ADGRV1: variants seen among roughly 807,000 people sequenced by gnomAD.
ADGRV1 encodes G-protein coupled receptor 98.
A neutral mutation model predicts 596.2 loss-of-function variants in ADGRV1; 359 were observed. The observed-to-expected ratio is 0.60, with a 90% CI of 0.55 to 0.66. The LOEUF (loss-of-function observed/expected upper bound fraction) is 0.66, where lower values mean the gene tolerates loss of function less well. Among genes scored for constraint, ADGRV1 ranks in the 30% least tolerant of loss-of-function variants. ADGRV1 has a pLI of 0.00. For missense variants in ADGRV1, 7,274 were observed against 7,575.6 expected (o/e 0.96, Z 1.48); for synonymous variants, 2,681 against 2,679.2 (o/e 1.00, Z -0.02).
chr5:91,136,523 A>G (rs1327185713), intron 87 of ADGRV1, among the ~76,000 whole-genome samples: 1 of 152,236 alleles, frequency 6.6e-6, no homozygotes, highest in Non-Finnish European at 1.5e-5. Flanking sequence ...TGTACAAAGA[A>G]ATCAATCAAC....
intron 21 of ADGRV1, among the ~76,000 whole-genome samples, chr5:90,660,031 A>AG (rs1170265119): frequency 6.6e-6 from 1 of 151,320 alleles, no homozygotes; most frequent in Admixed American, 6.6e-5. Context: ...TCTGTCTCAG[A>AG]GAAAAAAAAA....
chr5:90,805,070 TAAA>T, intron 71 of ADGRV1: 1 of 364,496 alleles, frequency 2.7e-6, no homozygotes, highest in East Asian at 4.1e-5. Context: ...ACGTTTTGAT[TAAA>T]AAAAGAAAAA....
At chr5:90,975,160 C>T (rs1481668935) in intron 84 of ADGRV1, among the ~76,000 whole-genome samples, 1 of 151,704 alleles carries the variant, frequency 6.6e-6, no homozygotes, top group Non-Finnish European at 1.5e-5. Context: ...GATACCATCT[C>T]ACACCAGTTA....
At chr5:91,059,444 C>T (rs1242306672) in intron 85 of ADGRV1, among the ~76,000 whole-genome samples, 1 of 152,156 alleles carries the variant, frequency 6.6e-6, no homozygotes, top group East Asian at 1.9e-4. Flanking sequence ...GTCCTTCCCC[C>T]TACATTATAC....
chr5:90,605,995 A>G (rs1762070403), intron 1 of ADGRV1, among the ~76,000 whole-genome samples: 1 of 152,214 alleles, frequency 6.6e-6, no homozygotes, highest in Non-Finnish European at 1.5e-5. Flanking sequence ...TTTACATGTG[A>G]CTTCACTAAG....
At chr5:90,627,917 GACACACACACACACACAC>G (rs3041948) in intron 7 of ADGRV1, 141 bp downstream of exon 7, 206 of 230,410 alleles carry the variant, frequency 8.9e-4, no homozygotes, top group African/African-American at 1.4e-3. Context: ...ACTCAGAAAA[GACACACACACACACACAC>G]ACACACACAC....
intron 85 of ADGRV1, among the ~76,000 whole-genome samples, chr5:90,989,132 T>C (rs1780749187): frequency 1.3e-5 from 2 of 152,000 alleles, no homozygotes; most frequent in Non-Finnish European, 2.9e-5. Flanking sequence ...GCAGCATGAT[T>C]TATAATCCTT....
intron 68 of ADGRV1, among the ~76,000 whole-genome samples, chr5:90,789,336 T>C (rs1759821502): frequency 6.6e-6 from 1 of 152,192 alleles, no homozygotes; most frequent in African/African-American, 2.4e-5. Context: ...GCCTGTTTGC[T>C]TCACTCCATG....
intron 84 of ADGRV1, among the ~76,000 whole-genome samples, chr5:90,974,103 C>T (rs1779328045): frequency 6.6e-6 from 1 of 152,070 alleles, no homozygotes; most frequent in Non-Finnish European, 1.5e-5. Context: ...TTCACAATTG[C>T]TTCAAAGAGA....
chr5:90,783,381 C>G lies in ADGRV1; in HGVS notation c.13433+56C>G, dbSNP rs563973973. 4 of 1,162,022 alleles carry G rather than the reference C, an allele frequency of 3.4e-6. No homozygotes were observed. In the African/African-American group the frequency reaches 6.1e-5, roughly 18 times the overall value. The allele number at this position is 1,162,022 out of a possible 1,614,324, so 72.0% of individuals were successfully genotyped here. ...ATAAGACATAAGTATTGTGTTCAAA[C>G]TCTTACATATGTTTTGCACTGACAA... On this transcript the variant is annotated intron_variant, in intron 66 of 89. Transcript: ENST00000405460.
chr5:90,797,721 T>C (rs1231874996), intron 70 of ADGRV1, among the ~76,000 whole-genome samples: 1 of 152,112 alleles, frequency 6.6e-6, no homozygotes, highest in Non-Finnish European at 1.5e-5. Flanking sequence ...GACCACATAA[T>C]TGGAAGTAAA....
chr5:91,048,994 C>T (rs1006537284), intron 85 of ADGRV1, among the ~76,000 whole-genome samples: 2 of 152,084 alleles, frequency 1.3e-5, no homozygotes, highest in African/African-American at 2.4e-5. Flanking sequence ...ACCAATTTAT[C>T]TAAAAACCCA....
chr5:91,136,533 C>T (rs1794652312), intron 87 of ADGRV1, among the ~76,000 whole-genome samples: 1 of 152,202 alleles, frequency 6.6e-6, no homozygotes. Flanking sequence ...AATCAATCAA[C>T]CAGGTTAAGG....
At position 90,720,082 on chromosome 5, in the gene ADGRV1, C is replaced by A; in HGVS notation, c.9482C>A (p.Pro3161Gln). Residue 3161 changes from proline (P) to glutamine (Q), a missense_variant, in exon 44 of 90, where the codon CCA becomes CAA. By Grantham distance (76) the Pro-to-Gln change is moderately conservative (BLOSUM62 -1). This residue lies in a region of ADGRV1 where 3,643 missense variants were observed against 3,809.2 expected (regional missense o/e 0.96). Transcript: ENST00000405460. ...ATATCTGCCATATTAGACACGGAAC[C>A]AGAAATGGATGAGTATTTTGTTTGC... ...LQISAILDTE[P>Q]EMDEYFVCTL... 1 of 1,613,688 alleles carries A rather than the reference C, an allele frequency of 6.2e-7. No homozygotes were observed.
chr5:90,932,702 A>G (rs1775354266), intron 83 of ADGRV1, among the ~76,000 whole-genome samples: 1 of 148,770 alleles, frequency 6.7e-6, no homozygotes, highest in African/African-American at 2.4e-5. Flanking sequence ...TTAAGTCACC[A>G]TAGAATGCAT....
chr5:90,834,014 C>T (rs536999628), intron 77 of ADGRV1, among the ~76,000 whole-genome samples: 23 of 152,174 alleles, frequency 1.5e-4, no homozygotes, highest in Non-Finnish European at 2.2e-4. Context: ...AAAGAGGAAA[C>T]GAATAAAAAT....
chr5:91,028,037 CTTT>C (rs748293256), intron 85 of ADGRV1, among the ~76,000 whole-genome samples: 1 of 102,602 alleles, frequency 9.7e-6, no homozygotes. Context: ...TTTTTTCTTT[CTTT>C]TTTTTTTTTT....
Position 90,791,238 on chromosome 5 carries a change from A to G in ADGRV1, c.14409A>G (p.Ile4803Met). 6.2e-7 allele frequency: 1 copy of G among 1,613,076 alleles called. No homozygotes were observed. Among genetic ancestry groups the G allele is most frequent in the Non-Finnish European group, 8.5e-7 (1 of 1,179,518 alleles). Residue 4803 changes from isoleucine to methionine, a missense_variant, in exon 70 of 90, where the codon ATA (isoleucine) becomes ATG (methionine). Physicochemically the swap from Ile to Met is conservative, Grantham distance 10 (BLOSUM62 1). Around this residue, in one of 5 missense-constraint regions of ADGRV1, gnomAD observed 1,874 missense variants for 1,970.2 expected, o/e 0.95. Transcript: ENST00000405460. ...GAGATGTGGCTGTTGGGCTTCGAAT[A>G]TCATCGGATCATAAAGAACAGCCGA... Reference protein sequence around the residue: ...TFGDVAVGLRISSDHKEQPIV... With the variant: ...TFGDVAVGLRMSSDHKEQPIV...
At position 90,628,761 on chromosome 5, in the gene ADGRV1, G is replaced by T. The variant is rs1345592580; in HGVS notation, c.1438G>T (p.Ala480Ser). Residue 480 changes from alanine to serine, a missense_variant, in exon 8 of 90, where the codon GCA (alanine) becomes TCA (serine). Ala to Ser is a moderately conservative substitution (Grantham distance 99). This residue lies in a region of ADGRV1 where 1,715 missense variants were observed against 1,708.8 expected (regional missense o/e 1.00). Coordinates refer to ENST00000405460, the MANE Select transcript of ADGRV1 (RefSeq NM_032119.4). Reference protein sequence around the residue: ...TVVDDDLPEEAEAYLLQILPH... With the variant: ...TVVDDDLPEESEAYLLQILPH... ...GGTTGATGATGATCTTCCAGAAGAG[G>T]CAGAAGCTTATCTACTTCAAATTCT... 1 of 1,613,970 alleles carries T rather than the reference G, an allele frequency of 6.2e-7. No homozygotes were observed. Among genetic ancestry groups the T allele is most frequent in the Non-Finnish European group, 8.5e-7 (1 of 1,179,866 alleles).
Sources: allele counts gnomAD v4.1 joint callset (sites outside exome capture counted in the v4.1 genomes callset), GRCh38; gene constraint gnomAD v4.1.1; regional missense constraint gnomAD v4.1.1; transcripts MANE v1.5; gene names NCBI Gene and HGNC (gene_info 2026-07-23, HGNC 2026-07-21).